LARS2: variants seen among roughly 807,000 people sequenced by gnomAD.
LARS2 encodes leucyl-tRNA synthetase 2, mitochondrial.
A neutral mutation model predicts 116.6 loss-of-function variants in LARS2; 81 were observed. The observed-to-expected ratio is 0.69, with a 90% CI of 0.58 to 0.84. LARS2 has a LOEUF of 0.84. Ranked by LOEUF, LARS2 falls within the 40% of genes least tolerant of loss-of-function variation. The pLI is 0.00. For missense variants in LARS2, 968 were observed against 1,114.5 expected (o/e 0.87, Z 1.87); for synonymous variants, 396 against 407.2 (o/e 0.97, Z 0.33).
Position 45,494,554 on chromosome 3 carries a change from C to G in LARS2, c.1524-1721C>G, listed in dbSNP as rs1255460669. On this transcript the variant is annotated intron_variant, in intron 13 of 21. Coordinates refer to ENST00000645846, the MANE Select transcript of LARS2 (RefSeq NM_015340.4). ...AGAAGGGAGAGCCTGCTATGGCTTC[C>G]CACTGCCACAGAAGGCCCTGTTGAT... Among the ~76,000 whole-genome samples, 4 of 152,204 alleles carry G rather than the reference C, an allele frequency of 2.6e-5. No homozygotes were observed. The East Asian group carries it at 7.7e-4, about 29-fold the overall frequency.
At chr3:45,507,536 T>C (rs2128358) in intron 15 of LARS2, among the ~76,000 whole-genome samples, 16,329 of 152,130 alleles carry the variant, frequency 0.11, 1,202 homozygotes, top group Middle Eastern at 0.18. Context: ...TTGGATACAA[T>C]CTAAATGCCC....
rs145643032 is a variant in LARS2 at position 45,427,019 on chromosome 3, G to A, written c.516+7290G>A. Reference sequence around the variant, plus strand: ...TAACACTTGGTGGGCATGGTCTGTCGCCCCTCGGAGCCTCAGCTTCTTGCC... The same window carrying A: ...TAACACTTGGTGGGCATGGTCTGTCACCCCTCGGAGCCTCAGCTTCTTGCC... On this transcript the variant is annotated intron_variant, in intron 6 of 21. Transcript: ENST00000645846. Among the ~76,000 whole-genome samples, 47 of 152,222 alleles carry A rather than the reference G, an allele frequency of 3.1e-4. No homozygotes were observed. The South Asian group carries it at 4.4e-3, about 14-fold the overall frequency.
rs79626511 is a variant in LARS2, at chr3:45,527,028, T to C, written c.2404+2920T>C. ...GAGACACAAGTGGGTCTCAGATGCA[T>C]GCACTGTTTCTGAGTCAAAGGTTCC... On this transcript the variant is annotated intron_variant, in intron 20 of 21. Transcript: ENST00000645846. 6.8e-3 allele frequency among the ~76,000 whole-genome samples: 1,042 copies of C among 152,290 alleles called. 12 individuals are homozygous for C. The highest frequency in any genetic ancestry group is 0.016 in the African/African-American group (678 of 41,550).
At chr3:45,527,412 C>G (rs905325031) in intron 20 of LARS2, among the ~76,000 whole-genome samples, 1 of 152,096 alleles carries the variant, frequency 6.6e-6, no homozygotes, top group Non-Finnish European at 1.5e-5. Context: ...ATCATGAGGT[C>G]AAGAGATCGA....
intron 4 of LARS2, among the ~76,000 whole-genome samples, chr3:45,415,893 G>GGGGA (rs1559461402): frequency 1.4e-5 from 1 of 69,826 alleles, no homozygotes; most frequent in Non-Finnish European, 2.5e-5. Flanking sequence ...AGAGAGAGAG[G>GGGGA]GAGAGAGAGA....
intron 9 of LARS2, among the ~76,000 whole-genome samples, chr3:45,474,874 G>T (rs1193084927): frequency 6.6e-6 from 1 of 152,142 alleles, no homozygotes; most frequent in African/African-American, 2.4e-5. Context: ...AAAAGCCAGG[G>T]AAGCAGAAGC....
At chr3:45,439,420 A>C (rs6788937) in intron 6 of LARS2, among the ~76,000 whole-genome samples, 114,295 of 151,340 alleles carry the variant, frequency 0.76, 44,870 homozygotes, top group East Asian at 0.99. Flanking sequence ...AGGGTTTCAC[A>C]ATGTTGGCCA....
In LARS2 at chr3:45,524,032, G is replaced by A. The variant is rs1381643347; in HGVS notation, c.2328G>A (p.Glu776=). The change falls in exon 20 of 22, where the codon GAG becomes GAA. Residue 776 remains glutamate, a synonymous_variant. Transcript: ENST00000645846. ...ASQSVILHSP[E]FEDALCALMV... is the part of the protein sequence containing the mutation. Reference sequence around the variant, plus strand: ...AGAGCGTCATTCTCCACAGCCCCGAGTTTGAGGATGCTTTGTGTGCCCTGA... The same window carrying A: ...AGAGCGTCATTCTCCACAGCCCCGAATTTGAGGATGCTTTGTGTGCCCTGA... The A allele has an allele frequency of 1.2e-6, 2 of 1,613,886 alleles. No individual in the cohort carries two copies. The highest frequency in any genetic ancestry group is 1.7e-6 in the Non-Finnish European group (2 of 1,179,988).
intron 6 of LARS2, among the ~76,000 whole-genome samples, chr3:45,438,243 C>T (rs182870964): frequency 6.6e-6 from 1 of 152,240 alleles, no homozygotes; most frequent in East Asian, 1.9e-4. Flanking sequence ...CCAGTTCACT[C>T]ATGTTGCTTG....
At chr3:45,479,185 C>G (rs1699659907) in intron 10 of LARS2, among the ~76,000 whole-genome samples, 1 of 152,148 alleles carries the variant, frequency 6.6e-6, no homozygotes, top group Non-Finnish European at 1.5e-5. Context: ...AGATTCTGGT[C>G]CTAGAGCCAT....
At chr3:45,408,481 T>C (rs898064572) in intron 4 of LARS2, among the ~76,000 whole-genome samples, 2 of 152,250 alleles carry the variant, frequency 1.3e-5, no homozygotes, top group Non-Finnish European at 2.9e-5. Context: ...CATCCCTTGC[T>C]TTTTGTACGG....
intron 4 of LARS2, among the ~76,000 whole-genome samples, chr3:45,408,516 C>T (rs768290023): frequency 6.6e-6 from 1 of 152,218 alleles, no homozygotes; most frequent in Non-Finnish European, 1.5e-5. Context: ...CCTGCAGGTC[C>T]GGTTCCCAAG....
intron 20 of LARS2, among the ~76,000 whole-genome samples, chr3:45,540,203 G>A (rs1200869539): frequency 6.6e-6 from 1 of 152,092 alleles, no homozygotes; most frequent in Non-Finnish European, 1.5e-5. Context: ...AGGTTGCAGT[G>A]AGCCAAGATC....
intron 3 of LARS2, among the ~76,000 whole-genome samples, chr3:45,396,679 C>G (rs575668424): frequency 6.6e-6 from 1 of 152,192 alleles, no homozygotes; most frequent in South Asian, 2.1e-4. Flanking sequence ...ATGTGCCAGG[C>G]ACTGTCTTTC....
chr3:45,435,835 A>G (rs1177660089), intron 6 of LARS2, among the ~76,000 whole-genome samples: 1 of 152,156 alleles, frequency 6.6e-6, no homozygotes, highest in Non-Finnish European at 1.5e-5. Context: ...TTTCATTCAT[A>G]TATATATTCC....
intron 6 of LARS2, among the ~76,000 whole-genome samples, chr3:45,428,487 C>T (rs910035954): frequency 1.3e-5 from 2 of 152,098 alleles, no homozygotes; most frequent in East Asian, 1.9e-4. Flanking sequence ...CCTCGTGATC[C>T]ACCCGCCTCA....
chr3:45,493,947 A>T (rs1230779113), intron 13 of LARS2, among the ~76,000 whole-genome samples: 1 of 152,172 alleles, frequency 6.6e-6, no homozygotes, highest in Non-Finnish European at 1.5e-5. Flanking sequence ...AGTGAGGAAG[A>T]TGAAGTAATC....
Position 45,485,820 on chromosome 3 carries a change from C to T in LARS2, c.1123+24C>T, listed in dbSNP as rs146831158. ...AGGTAAGCAGCTATTAAAATGTAAC[C>T]ACAACGGTATATTTTGCAGATTTAG... On this transcript the variant is annotated intron_variant, in intron 11 of 21. Transcript: ENST00000645846. 8.9e-5 allele frequency: 126 copies of T among 1,421,204 alleles called. No individual in the cohort carries two copies. In the African/African-American group the frequency reaches 1.5e-3, roughly 17 times the overall value. The allele number at this position is 1,421,204 out of a possible 1,614,324, so 88.0% of individuals were successfully genotyped here. A position where few individuals can be genotyped will look rare whatever the true frequency, so the allele number is the denominator to read the frequency against.
intron 5 of LARS2, among the ~76,000 whole-genome samples, chr3:45,418,826 A>G (rs761538390): frequency 6.6e-6 from 1 of 152,246 alleles, no homozygotes; most frequent in Non-Finnish European, 1.5e-5. Flanking sequence ...CCTTCTTGCC[A>G]GCAGATCACC....
Sources: allele counts gnomAD v4.1 joint callset (sites outside exome capture counted in the v4.1 genomes callset), GRCh38; gene constraint gnomAD v4.1.1; transcripts MANE v1.5; gene names NCBI Gene and HGNC (gene_info 2026-07-23, HGNC 2026-07-21).